Variants in SIRPD observed in about 807,000 individuals in gnomAD.
SIRPD encodes the protein signal-regulatory protein delta.
In SIRPD, 21 loss-of-function variants were observed where a neutral mutation model predicts 18.0. The ratio of observed to expected loss-of-function variants is 1.17; its 90% CI spans 0.83 to 1.68. The LOEUF is 1.68. Among genes scored for constraint, SIRPD ranks in the 40% most tolerant of loss-of-function variants. The probability of loss-of-function intolerance (pLI) is 0.00; values close to 1 mark genes in which losing one functional copy is unlikely to be tolerated. For missense variants in SIRPD, 295 were observed against 238.4 expected (o/e 1.24, Z -1.56); for synonymous variants, 106 against 92.9 (o/e 1.14, Z -0.81).
chr20:1,552,096 C>T (rs540684925), intron 1 of SIRPD, 58 bp from the exon 2 acceptor site: 204 of 1,436,248 alleles, frequency 1.4e-4, no homozygotes, highest in Non-Finnish European at 1.9e-4. Flanking sequence ...AGCATGGGTA[C>T]GGGTCACGGT....
rs143355788 is a variant in SIRPD, at chr20:1,542,624, C to A, written c.422-5314G>T. Among the ~76,000 whole-genome samples, 34 of 152,260 alleles carry A rather than the reference C, an allele frequency of 2.2e-4. 1 individual carries two copies. In the East Asian group the frequency reaches 6.4e-3, roughly 29 times the overall value. On this transcript the variant is annotated intron_variant, in intron 2 of 3. Coordinates refer to ENST00000381623, the MANE Select transcript of SIRPD (RefSeq NM_178460.3). ...CTTCCTCTCTTCCTATTTGAATACC[C>A]TTTATTTCTTTCTCTTGCCTGATTG...
At chr20:1,537,037 G>T in intron 3 of SIRPD, 118 bp downstream of exon 3, 1 of 1,224,762 alleles carries the variant, frequency 8.2e-7, no homozygotes, top group Non-Finnish European at 1.1e-6. Context: ...GGGTGGCAAA[G>T]AAAGAGGCCC....
intron 2 of SIRPD, among the ~76,000 whole-genome samples, 170 bp downstream of exon 2, chr20:1,551,521 T>C (rs2091018973): frequency 6.6e-6 from 1 of 152,236 alleles, no homozygotes; most frequent in Non-Finnish European, 1.5e-5. Flanking sequence ...AGTCTTTTTT[T>C]CTTCCTGTAA....
intron 2 of SIRPD, among the ~76,000 whole-genome samples, chr20:1,549,504 C>T (rs3848783): frequency 0.49 from 74,249 of 151,304 alleles, 19,961 homozygotes; most frequent in East Asian, 0.78. Flanking sequence ...TCACAACCAC[C>T]GAGGCTTGTT....
chr20:1,551,235 C>A (rs754754882), intron 2 of SIRPD, among the ~76,000 whole-genome samples: 23 of 152,206 alleles, frequency 1.5e-4, no homozygotes, highest in Non-Finnish European at 3.2e-4. Context: ...CCTTATTCCC[C>A]TCATGGTCAT....
At chr20:1,538,305 C>T (rs1172366178) in intron 2 of SIRPD, among the ~76,000 whole-genome samples, 1 of 152,206 alleles carries the variant, frequency 6.6e-6, no homozygotes, top group Non-Finnish European at 1.5e-5. Flanking sequence ...GAGTGTCCCT[C>T]TCCCCTCGAC....
At chr20:1,536,873 G>A (rs1269129549) in intron 3 of SIRPD, among the ~76,000 whole-genome samples, 1 of 152,168 alleles carries the variant, frequency 6.6e-6, no homozygotes, top group Non-Finnish European at 1.5e-5. Context: ...CATCAGGGGT[G>A]TGGGAAGTGA....
chr20:1,541,160 G>T (rs934090201), intron 2 of SIRPD, among the ~76,000 whole-genome samples: 8 of 152,120 alleles, frequency 5.3e-5, no homozygotes, highest in Non-Finnish European at 7.3e-5. Context: ...CCCAGTAATG[G>T]GATTGCTGGG....
intron 2 of SIRPD, among the ~76,000 whole-genome samples, chr20:1,544,501 C>T (rs1568667701): frequency 6.6e-6 from 1 of 151,348 alleles, no homozygotes; most frequent in Non-Finnish European, 1.5e-5. Context: ...TATTTTGAGC[C>T]TATGTGTATC....
intron 2 of SIRPD, among the ~76,000 whole-genome samples, chr20:1,538,696 C>T (rs1328199461): frequency 6.6e-6 from 1 of 152,188 alleles, no homozygotes; most frequent in Non-Finnish European, 1.5e-5. Flanking sequence ...GAAGAGATCA[C>T]ATTGCAGGGA....
rs112235513 is a variant in SIRPD, at chr20:1,544,968, T to C, written c.421+6723A>G. 7.6e-3 allele frequency among the ~76,000 whole-genome samples: 1,164 copies of C among 152,346 alleles called. 12 individuals carry two copies. Among genetic ancestry groups the C allele is most frequent in the Middle Eastern group, 0.02 (6 of 294 alleles). On this transcript the variant is annotated intron_variant, in intron 2 of 3. Coordinates refer to ENST00000381623, the MANE Select transcript of SIRPD (RefSeq NM_178460.3). ...CTCACTCTCTTCTGGCTTGTACGGT[T>C]TCTGAAGAGAGATCTGCTGTTAGTC...
At chr20:1,553,189 C>T (rs1168222636) in intron 1 of SIRPD, among the ~76,000 whole-genome samples, 4 of 152,148 alleles carry the variant, frequency 2.6e-5, no homozygotes, top group Admixed American at 2.6e-4. Flanking sequence ...ATACACAAGA[C>T]CCCTCATTCT....
intron 1 of SIRPD, 88 bp from the exon 2 acceptor site, chr20:1,552,126 C>A (rs1337764277): frequency 1.8e-6 from 2 of 1,085,612 alleles, no homozygotes; most frequent in Non-Finnish European, 2.7e-6. Flanking sequence ...TTCATTAATT[C>A]TTTTAATGAC....
rs537940328 is a variant in SIRPD, at chr20:1,553,071, T to C, written c.74-1033A>G. Among the ~76,000 whole-genome samples, 4 of 152,246 alleles carry C rather than the reference T, an allele frequency of 2.6e-5. No individual in the cohort carries two copies. In the South Asian group the frequency reaches 8.3e-4, roughly 32 times the overall value. On this transcript the variant is annotated intron_variant, in intron 1 of 3. Transcript: ENST00000381623. ...AAAAATACTGGGAATTAAAGAACAGTGGGGCTGGGCATGGAAGTCTCAGGA... is the reference window on the plus strand; with the variant it reads ...AAAAATACTGGGAATTAAAGAACAGCGGGGCTGGGCATGGAAGTCTCAGGA...
intron 1 of SIRPD, among the ~76,000 whole-genome samples, chr20:1,555,172 G>A (rs1296405637): frequency 6.6e-6 from 1 of 152,130 alleles, no homozygotes; most frequent in Non-Finnish European, 1.5e-5. Flanking sequence ...AGAAAATTCT[G>A]TCACTTATGA....
At chr20:1,540,824 G>A (rs1053246851) in intron 2 of SIRPD, among the ~76,000 whole-genome samples, 1 of 152,058 alleles carries the variant, frequency 6.6e-6, no homozygotes, top group Non-Finnish European at 1.5e-5. Flanking sequence ...GGTGTGTGAT[G>A]TTCTCCTCCC....
At chr20:1,541,332 A>G (rs1488260669) in intron 2 of SIRPD, among the ~76,000 whole-genome samples, 2 of 152,210 alleles carry the variant, frequency 1.3e-5, no homozygotes, top group East Asian at 3.8e-4. Context: ...TCACCATTCT[A>G]ACTGGCCTGA....
chr20:1,554,616 G>C (rs2091031995), intron 1 of SIRPD, among the ~76,000 whole-genome samples: 1 of 151,724 alleles, frequency 6.6e-6, no homozygotes, highest in Non-Finnish European at 1.5e-5. Flanking sequence ...ATAGAATTTG[G>C]GTCAGATTTT....
In SIRPD at chr20:1,542,248, C is replaced by T. The variant is rs532995030; in HGVS notation, c.422-4938G>A. Among the ~76,000 whole-genome samples the T allele has an allele frequency of 5.3e-5, 8 of 152,216 alleles. No individual in the cohort carries two copies. In the East Asian group the frequency reaches 5.8e-4, roughly 11 times the overall value. ...ACTTTGGGCAGTGTGGCCATTTTCA[C>T]GATATTGATTATTCCTATCCATGAG... is the stretch of plus-strand genomic sequence containing the variant. On this transcript the variant is annotated intron_variant, in intron 2 of 3. Transcript: ENST00000381623.
Sources: allele counts gnomAD v4.1 joint callset (sites outside exome capture counted in the v4.1 genomes callset), GRCh38; gene constraint gnomAD v4.1.1; transcripts MANE v1.5; gene names NCBI Gene and HGNC (gene_info 2026-07-23, HGNC 2026-07-21).